KCTD4: variants seen among roughly 807,000 people sequenced by gnomAD.
KCTD4 encodes the protein potassium channel tetramerization domain containing 4, also known as BTB/POZ domain-containing protein KCTD4.
In KCTD4, 12 loss-of-function variants were observed where a neutral mutation model predicts 18.3. The observed-to-expected ratio is 0.66, with a 90% CI of 0.42 to 1.06. The LOEUF is 1.06. KCTD4 is among the 50% of genes least tolerant of loss of function. KCTD4 has a pLI of 0.00. For synonymous variants in KCTD4, 124 were observed against 110.5 expected (o/e 1.12, Z -0.76); for missense variants, 250 against 303.4 (o/e 0.82, Z 1.31).
chr13:45,193,310 T>A lies in KCTD4; in HGVS notation c.*478A>T, dbSNP rs1346286139. 6.5e-6 allele frequency: 1 copy of A among 153,810 alleles called. No homozygotes were observed. The highest frequency in any genetic ancestry group is 1.4e-5 in the Non-Finnish European group (1 of 69,104). 9.5% of individuals were successfully genotyped at this position (153,810 alleles called of 1,614,324 possible). On this transcript the variant is annotated 3_prime_UTR_variant, in exon 2 of 2. Coordinates refer to ENST00000379108, the MANE Select transcript of KCTD4 (RefSeq NM_198404.3). ...TCACTATAGCTCTGTTTTAGTTAGA[T>A]CTGCACATCTGTTTTGCTCCAGGTA...
Position 45,193,735 on chromosome 13 carries a change from T to A in KCTD4, c.*53A>T. ...TTTGGGATGTCTTTGATGCTGTGGTTTTCCGAAGCTTGCTGGCTGCATGCT... is the reference window on the plus strand; with the variant it reads ...TTTGGGATGTCTTTGATGCTGTGGTATTCCGAAGCTTGCTGGCTGCATGCT... On this transcript the variant is annotated 3_prime_UTR_variant, in exon 2 of 2. Transcript: ENST00000379108. 6.6e-7 allele frequency: 1 copy of A among 1,516,364 alleles called. No homozygotes were observed. Among genetic ancestry groups the A allele is most frequent in the Non-Finnish European group, 8.9e-7 (1 of 1,129,556 alleles). The allele number at this position is 1,516,364 out of a possible 1,614,324, so 93.9% of individuals were successfully genotyped here.
At position 45,200,923 on chromosome 13, in the gene KCTD4, G is replaced by T. The variant is rs187620567; in HGVS notation, c.-287C>A. On this transcript the variant is annotated 5_prime_UTR_variant, in exon 1 of 2. Coordinates refer to ENST00000379108, the MANE Select transcript of KCTD4 (RefSeq NM_198404.3). ...AGGAGAGTAAGGAGAGTAACTTCGA[G>T]GTCTGGAGGATCAGCCTGAAATGTT... is the stretch of plus-strand genomic sequence containing the variant. Among the ~76,000 whole-genome samples, 140 of 152,304 alleles carry T rather than the reference G, an allele frequency of 9.2e-4. No individual in the cohort carries two copies. Among genetic ancestry groups the T allele is most frequent in the African/African-American group, 2.7e-3 (112 of 41,568 alleles).
Position 45,193,992 on chromosome 13 carries a change from A to G in KCTD4, c.576T>C (p.Asn192=). The G allele has an allele frequency of 1.2e-6, 2 of 1,614,000 alleles. No individual in the cohort carries two copies. Among genetic ancestry groups the G allele is most frequent in the Non-Finnish European group, 1.7e-6 (2 of 1,179,922 alleles). The change falls in exon 2 of 2, where the codon AAT becomes AAC. Residue 192 remains asparagine (N), a synonymous_variant. Transcript: ENST00000379108. ...TTATGAAGTATTTAAATTGGATGAT[A>G]TTTGACGATATTGAAAACTCCTCTG... ...GFPEEFSISS[N]IIQFKYFIKS... is the part of the protein sequence containing the mutation.
rs1872744749 is a variant in KCTD4, at chr13:45,193,672, A to T, written c.*116T>A. ...CGTTAGCTCACAGTAATTGATTAGT[A>T]GCAGGGCTCTGTAGTACAGAGCTAG... On this transcript the variant is annotated 3_prime_UTR_variant, in exon 2 of 2. Coordinates refer to ENST00000379108, the MANE Select transcript of KCTD4 (RefSeq NM_198404.3). The T allele has an allele frequency of 1.1e-6, 1 of 895,456 alleles. No individual in the cohort carries two copies. The highest frequency in any genetic ancestry group is 1.7e-6 in the Non-Finnish European group (1 of 579,520). 55.5% of individuals were successfully genotyped at this position (895,456 alleles called of 1,614,324 possible).
In KCTD4 at chr13:45,194,438, A is replaced by G. The variant is rs776263100; in HGVS notation, c.130T>C (p.Tyr44His). 10 of 1,614,078 alleles carry G rather than the reference A, an allele frequency of 6.2e-6. No individual in the cohort carries two copies. The highest frequency in any genetic ancestry group is 3.3e-5 in the Admixed American group (2 of 60,014). ...LMTLNVGGYL[Y>H]ITQKQTLTKY... ...GTCAGTGTTTGTTTTTGAGTAATGT[A>G]TAAATATCCACCAACGTTGAGGGTC... Residue 44 changes from tyrosine (Y) to histidine (H), a missense_variant, in exon 2 of 2, where the codon TAC becomes CAC. Transcript: ENST00000379108.
In KCTD4 at chr13:45,193,401, A is replaced by G. The variant is rs1872731500; in HGVS notation, c.*387T>C. 6.2e-6 allele frequency: 1 copy of G among 161,334 alleles called. No homozygotes were observed. The highest frequency in any genetic ancestry group is 1.3e-5 in the Non-Finnish European group (1 of 74,326). 10.0% of individuals were successfully genotyped at this position (161,334 alleles called of 1,614,324 possible). ...TAGTAGAAAAGGATTTTAAATATTA[A>G]TAGCCCCTTAAAATATTTTATTACC... On this transcript the variant is annotated 3_prime_UTR_variant, in exon 2 of 2. Transcript: ENST00000379108.
chr13:45,194,711 G>GTT lies in KCTD4; in HGVS notation c.-146_-145dup, dbSNP rs766614055. The GTT allele has an allele frequency of 5.7e-5, 41 of 716,100 alleles. No homozygotes were observed. Among genetic ancestry groups the GTT allele is most frequent in the Non-Finnish European group, 9.7e-5 (41 of 421,952 alleles). 44.4% of individuals were successfully genotyped at this position (716,100 alleles called of 1,614,324 possible). A position where few individuals can be genotyped will look rare whatever the true frequency, so the allele number is the denominator to read the frequency against. ...CAGCATCGCCTGCGCTGTCAGCTCG[G>GTT]TTTTGCAGTAGGTGGCGTATCAGCC... On this transcript the variant is annotated 5_prime_UTR_variant, in exon 2 of 2. Coordinates refer to ENST00000379108, the MANE Select transcript of KCTD4 (RefSeq NM_198404.3).
intron 1 of KCTD4, among the ~76,000 whole-genome samples, chr13:45,197,245 C>T (rs1872941325): frequency 6.6e-6 from 1 of 151,432 alleles, no homozygotes; most frequent in Non-Finnish European, 1.5e-5. Flanking sequence ...GCCTGTAATC[C>T]CAGCACTTTG....
At chr13:45,200,153 G>T (rs1873103831) in intron 1 of KCTD4, among the ~76,000 whole-genome samples, 1 of 151,980 alleles carries the variant, frequency 6.6e-6, no homozygotes, top group Non-Finnish European at 1.5e-5. Context: ...TATAGTTGAT[G>T]AAATATTTGA....
At chr13:45,196,946 A>G (rs1399524232) in intron 1 of KCTD4, among the ~76,000 whole-genome samples, 2 of 152,044 alleles carry the variant, frequency 1.3e-5, no homozygotes, top group African/African-American at 4.8e-5. Flanking sequence ...CAGGTTTTCA[A>G]AACCACTGAT....
chr13:45,193,658 A>C lies in KCTD4; in HGVS notation c.*130T>G. 1.3e-6 allele frequency: 1 copy of C among 778,624 alleles called. No individual in the cohort carries two copies. The highest frequency in any genetic ancestry group is 3.2e-4 in the Middle Eastern group (1 of 3,174). 48.2% of individuals were successfully genotyped at this position (778,624 alleles called of 1,614,324 possible). The stretch of plus-strand genomic sequence containing the variant: ...TAGAATTTACATACCGTTAGCTCAC[A>C]GTAATTGATTAGTAGCAGGGCTCTG... On this transcript the variant is annotated 3_prime_UTR_variant, in exon 2 of 2. Coordinates refer to ENST00000379108, the MANE Select transcript of KCTD4 (RefSeq NM_198404.3).
Position 45,193,950 on chromosome 13 carries a change from A to T in KCTD4, c.618T>A (p.Thr206=). ...FKYFIKSENG[T]RLVLKEDNTF... ...TGTTGTCTTCCTTTAGTACAAGTCGAGTGCCATTTTCAGACTTTATGAAGT... is the reference window on the plus strand; with the variant it reads ...TGTTGTCTTCCTTTAGTACAAGTCGTGTGCCATTTTCAGACTTTATGAAGT... The change falls in exon 2 of 2, where the codon ACT becomes ACA. Residue 206 remains threonine (T), a synonymous_variant. Coordinates refer to ENST00000379108, the MANE Select transcript of KCTD4 (RefSeq NM_198404.3). 6.2e-7 allele frequency: 1 copy of T among 1,614,152 alleles called. No individual in the cohort carries two copies. Among genetic ancestry groups the T allele is most frequent in the Non-Finnish European group, 8.5e-7 (1 of 1,180,004 alleles).
At chr13:45,198,558 T>C (rs757469784) in intron 1 of KCTD4, among the ~76,000 whole-genome samples, 1 of 152,212 alleles carries the variant, frequency 6.6e-6, no homozygotes, top group Non-Finnish European at 1.5e-5. Flanking sequence ...ATCTTGGTTG[T>C]TGTCAGCTGC....
chr13:45,199,969 G>A (rs2138181287), intron 1 of KCTD4, among the ~76,000 whole-genome samples: 1 of 152,230 alleles, frequency 6.6e-6, no homozygotes, highest in South Asian at 2.1e-4. Context: ...TTACAGAGTA[G>A]GGAGGAGTTA....
intron 1 of KCTD4, among the ~76,000 whole-genome samples, chr13:45,195,095 C>T (rs888933447): frequency 2.0e-5 from 3 of 151,904 alleles, no homozygotes; most frequent in African/African-American, 7.3e-5. Flanking sequence ...AATTTTCTTT[C>T]CCGGAAAAAG....
chr13:45,198,350 T>C (rs1873005415), intron 1 of KCTD4, among the ~76,000 whole-genome samples: 1 of 152,226 alleles, frequency 6.6e-6, no homozygotes, highest in East Asian at 1.9e-4. Flanking sequence ...GATACTCCCA[T>C]GCCATGGAAG....
At chr13:45,195,070 A>C (rs1182114445) in intron 1 of KCTD4, among the ~76,000 whole-genome samples, 1 of 152,140 alleles carries the variant, frequency 6.6e-6, no homozygotes, top group Non-Finnish European at 1.5e-5. Context: ...TAAGGTGAAA[A>C]TTCTAGGTGT....
Position 45,194,555 on chromosome 13 carries a change from T to C in KCTD4, c.13A>G (p.Ile5Val), listed in dbSNP as rs1402958179. ...TCCTTTTCTTTTTCTCTTCTGTTTA[T>C]TTTACGCTCCATTTTTTGAAGATGC... is the stretch of plus-strand genomic sequence containing the variant. MERKINRREKEKEYE... is the reference protein window; with the variant it reads MERKVNRREKEKEYE... Residue 5 changes from isoleucine to valine, a missense_variant, in exon 2 of 2, where the codon ATA (isoleucine) becomes GTA (valine). Physicochemically the swap from Ile to Val is conservative, Grantham distance 29. Transcript: ENST00000379108. The C allele has an allele frequency of 1.2e-6, 2 of 1,608,010 alleles. No homozygotes were observed. The highest frequency in any genetic ancestry group is 1.7e-6 in the Non-Finnish European group (2 of 1,177,686).
At chr13:45,199,047 A>G (rs965206096) in intron 1 of KCTD4, among the ~76,000 whole-genome samples, 2 of 152,218 alleles carry the variant, frequency 1.3e-5, no homozygotes, top group Admixed American at 6.5e-5. Context: ...CAAAAGTACT[A>G]TGGCAGCCAC....
Sources: allele counts gnomAD v4.1 joint callset (sites outside exome capture counted in the v4.1 genomes callset), GRCh38; gene constraint gnomAD v4.1.1; transcripts MANE v1.5; gene names NCBI Gene and HGNC (gene_info 2026-07-23, HGNC 2026-07-21).